The following MED25 variants were observed in gnomAD, a reference collection of about 807,000 sequenced individuals.
The protein encoded by MED25 is mediator of RNA polymerase II transcription subunit 25.
MED25 carries 62 observed loss-of-function variants against 89.4 expected under a neutral mutation model. The ratio of observed to expected loss-of-function variants is 0.69; its 90% CI spans 0.57 to 0.86. The LOEUF (loss-of-function observed/expected upper bound fraction) is 0.86. MED25 is among the 40% of genes least tolerant of loss of function. The probability of loss-of-function intolerance (pLI) is 0.00; values close to 1 mark genes in which losing one functional copy is unlikely to be tolerated. For missense variants in MED25, 905 were observed against 1,005.2 expected, an observed-to-expected ratio of 0.90 and a Z score of 1.35; for synonymous variants, 449 against 427.9, an observed-to-expected ratio of 1.05 and a Z score of -0.61.
Position 49,830,651 on chromosome 19 carries a change from C to G in MED25, c.908-43C>G. 6.2e-7 allele frequency: 1 copy of G among 1,612,684 alleles called. No homozygotes were observed. The highest frequency in any genetic ancestry group is 8.5e-7 in the Non-Finnish European group (1 of 1,178,678). ...GGGCAGGGGCCAGGCAGGCCTCTCT[C>G]CACACACTTGTTCCCCACTTCTTCC... is the stretch of plus-strand genomic sequence containing the variant. On this transcript the variant is annotated intron_variant, in intron 8 of 17. Transcript: ENST00000312865. This position sits in a 1 kb window ranked among gnomAD's most constrained non-coding sequence, Gnocchi z 4.6.
In MED25 at chr19:49,829,858, C is replaced by CT. The variant is rs2074040931; in HGVS notation, c.598_599insT (p.Pro200LeufsTer199). 7 of 1,612,750 alleles carry CT rather than the reference C, an allele frequency of 4.3e-6. No homozygotes were observed. Among genetic ancestry groups the CT allele is most frequent in the Non-Finnish European group, 5.9e-6 (7 of 1,179,696 alleles). On this transcript the variant is annotated frameshift_variant, in exon 6 of 18. Coordinates refer to ENST00000312865, the MANE Select transcript of MED25 (RefSeq NM_030973.4). LOFTEE classifies it high-confidence loss of function. The surrounding 1 kb of genome is among the most constrained non-coding windows in gnomAD (Gnocchi z 4.6). ...TCGGCTTCTGTTTGAGAAGGCAGCCCCCCCGGCCTTGCTGGAGCCGCTGCA... is the reference window on the plus strand; with the variant it reads ...TCGGCTTCTGTTTGAGAAGGCAGCCCTCCCCGGCCTTGCTGGAGCCGCTGCA...
At chr19:49,832,043 G>A in intron 11 of MED25, 22 bp downstream of exon 11, 1 of 1,613,950 alleles carries the variant, frequency 6.2e-7, no homozygotes, top group Non-Finnish European at 8.5e-7. Flanking sequence ...TCAGGGGCGG[G>A]GTGTGGTGGG....
intron 3 of MED25, among the ~76,000 whole-genome samples, chr19:49,824,341 C>T (rs1381178393): frequency 6.6e-6 from 1 of 152,190 alleles, no homozygotes; most frequent in Non-Finnish European, 1.5e-5. Flanking sequence ...CTGCCATTTG[C>T]TTCCAGCTGG....
chr19:49,830,625 C>G lies in MED25; in HGVS notation c.907+27C>G, dbSNP rs748403553. The G allele has an allele frequency of 1.5e-5, 24 of 1,613,006 alleles. No individual in the cohort carries two copies. Among genetic ancestry groups the G allele is most frequent in the South Asian group, 1.3e-4 (12 of 91,074 alleles). On this transcript the variant is annotated intron_variant, in intron 8 of 17. Transcript: ENST00000312865. The surrounding 1 kb of genome is among the most constrained non-coding windows in gnomAD (Gnocchi z 4.6). ...TGAGTCCTGGAGTGAGGATGAAGGG[C>G]GGGCAGGGGCCAGGCAGGCCTCTCT...
In MED25 at chr19:49,831,829, A is replaced by C. The variant is rs1344390180; in HGVS notation, c.1231-107A>C. 6.6e-6 allele frequency: 7 copies of C among 1,065,278 alleles called. No individual in the cohort carries two copies. Among genetic ancestry groups the C allele is most frequent in the South Asian group, 1.3e-5 (1 of 77,264 alleles). The allele number at this position is 1,065,278 out of a possible 1,614,324, so 66.0% of individuals were successfully genotyped here. ...AGGGGCCTGGGGCTCATGGGACTTA[A>C]ACTGGGGAACATCCTGAGCTTTGGG... On this transcript the variant is annotated intron_variant, in intron 10 of 17. Coordinates refer to ENST00000312865, the MANE Select transcript of MED25 (RefSeq NM_030973.4). This position sits in a 1 kb window ranked among gnomAD's most constrained non-coding sequence, Gnocchi z 5.0.
In MED25 at chr19:49,818,617, G is replaced by T; in HGVS notation, c.180+1G>T. ...TGCTGAGACGGACTTCGGGGGAGACGTGAGTCTAGGGACTCCTGGGCCTGA... is the reference window on the plus strand; with the variant it reads ...TGCTGAGACGGACTTCGGGGGAGACTTGAGTCTAGGGACTCCTGGGCCTGA... On this transcript the variant is annotated splice_donor_variant, in intron 2 of 17. Coordinates refer to ENST00000312865, the MANE Select transcript of MED25 (RefSeq NM_030973.4). LOFTEE classifies it high-confidence loss of function. The T allele has an allele frequency of 6.2e-7, 1 of 1,613,752 alleles. No homozygotes were observed. Among genetic ancestry groups the T allele is most frequent in the Non-Finnish European group, 8.5e-7 (1 of 1,179,760 alleles).
intron 3 of MED25, among the ~76,000 whole-genome samples, chr19:49,823,119 C>T (rs755008608): frequency 6.6e-6 from 1 of 152,106 alleles, no homozygotes; most frequent in African/African-American, 2.4e-5. Context: ...TGGCTGATTT[C>T]TTTATTTTAA....
chr19:49,825,131 T>C (rs1446400460), intron 3 of MED25, among the ~76,000 whole-genome samples: 2 of 152,246 alleles, frequency 1.3e-5, no homozygotes, highest in Non-Finnish European at 2.9e-5. Context: ...AAATGTTTAT[T>C]ACATGTCGCC....
In MED25 at chr19:49,830,489, C is replaced by T; in HGVS notation, c.820-22C>T. 2 of 1,612,344 alleles carry T rather than the reference C, an allele frequency of 1.2e-6. No individual in the cohort carries two copies. Among genetic ancestry groups the T allele is most frequent in the Non-Finnish European group, 1.7e-6 (2 of 1,178,520 alleles). On this transcript the variant is annotated intron_variant, in intron 7 of 17. Transcript: ENST00000312865. The surrounding 1 kb of genome is among the most constrained non-coding windows in gnomAD (Gnocchi z 4.6). ...GGCCATGGTCCTCACCAGTCCCTTC[C>T]CTTCTTCCCTTCTACCCACAGGTTC... is the stretch of plus-strand genomic sequence containing the variant.
At position 49,835,895 on chromosome 19, in the gene MED25, A is replaced by G. The variant is rs776959726; in HGVS notation, c.1915A>G (p.Asn639Asp). Residue 639 changes from asparagine to aspartate, a missense_variant, in exon 16 of 18, where the codon AAC becomes GAC. Asn to Asp is a conservative substitution (Grantham distance 23). Transcript: ENST00000312865. This position sits in a 1 kb window ranked among gnomAD's most constrained non-coding sequence, Gnocchi z 6.2. ...TCCTGGACCCATCCTTCGGCCCCAG[A>G]ACCCTGGGGCCAACCCTCAGCTGCG... is the stretch of plus-strand genomic sequence containing the variant. Reference protein sequence around the residue: ...PPPGPILRPQNPGANPQLRSL... With the variant: ...PPPGPILRPQDPGANPQLRSL... 10 of 1,612,646 alleles carry G rather than the reference A, an allele frequency of 6.2e-6. No individual in the cohort carries two copies. The highest frequency in any genetic ancestry group is 7.6e-6 in the Non-Finnish European group (9 of 1,179,770).
rs898673199 is a variant in MED25 at position 49,835,980 on chromosome 19, A to G, written c.1965+35A>G. Reference sequence around the variant, plus strand: ...TGGGGTGGGGTAGCGAGAGTTCCAGATCCTGGCCCTGGTGGTTCTGGTCCT... The same window carrying G: ...TGGGGTGGGGTAGCGAGAGTTCCAGGTCCTGGCCCTGGTGGTTCTGGTCCT... On this transcript the variant is annotated intron_variant, in intron 16 of 17. Coordinates refer to ENST00000312865, the MANE Select transcript of MED25 (RefSeq NM_030973.4). This position sits in a 1 kb window ranked among gnomAD's most constrained non-coding sequence, Gnocchi z 6.2. 6.2e-7 allele frequency: 1 copy of G among 1,610,326 alleles called. No homozygotes were observed. The highest frequency in any genetic ancestry group is 8.5e-7 in the Non-Finnish European group (1 of 1,179,104).
chr19:49,829,777 C>T lies in MED25; in HGVS notation c.526-9C>T, dbSNP rs1372872691. 6.3e-7 allele frequency: 1 copy of T among 1,581,584 alleles called. No homozygotes were observed. The highest frequency in any genetic ancestry group is 8.6e-7 in the Non-Finnish European group (1 of 1,164,060). ...GGCCCGTCATGACTGCTCGGCCCCT[C>T]TCCTACAGCGGGGGATCCACTTCTC... is the stretch of plus-strand genomic sequence containing the variant. On this transcript the variant is annotated splice_polypyrimidine_tract_variant and intron_variant, in intron 5 of 17. Coordinates refer to ENST00000312865, the MANE Select transcript of MED25 (RefSeq NM_030973.4). This position sits in a 1 kb window ranked among gnomAD's most constrained non-coding sequence, Gnocchi z 4.6.
chr19:49,832,734 G>A, intron 13 of MED25: 1 of 412,478 alleles, frequency 2.4e-6, no homozygotes, highest in South Asian at 2.2e-5. Context: ...ATTACCACAA[G>A]CAGAGGGGCT....
chr19:49,822,669 A>G (rs2073991407), intron 3 of MED25, among the ~76,000 whole-genome samples: 2 of 109,902 alleles, frequency 1.8e-5, no homozygotes, highest in East Asian at 2.8e-4. Context: ...TTTTTTTGAG[A>G]CAGAGTCTCG....
At position 49,834,762 on chromosome 19, in the gene MED25, C is replaced by T; in HGVS notation, c.1483-224C>T. The T allele has an allele frequency of 1.7e-6, 1 of 587,846 alleles. No individual in the cohort carries two copies. The highest frequency in any genetic ancestry group is 2.8e-5 in the East Asian group (1 of 35,264). 36.4% of individuals were successfully genotyped at this position (587,846 alleles called of 1,614,324 possible). A position where few individuals can be genotyped will look rare whatever the true frequency, so the allele number is the denominator to read the frequency against. On this transcript the variant is annotated intron_variant, in intron 13 of 17. Coordinates refer to ENST00000312865, the MANE Select transcript of MED25 (RefSeq NM_030973.4). The surrounding 1 kb of genome is among the most constrained non-coding windows in gnomAD (Gnocchi z 4.1). ...GAAGAGCTGGGCTCCAGCACTTTCT[C>T]TCCGCTTTCCCTCTCAGTGGGCAGC...
rs1600326123 is a variant in MED25, at chr19:49,830,973, A to G, written c.1101+86A>G. On this transcript the variant is annotated intron_variant, in intron 9 of 17. Transcript: ENST00000312865. This position sits in a 1 kb window ranked among gnomAD's most constrained non-coding sequence, Gnocchi z 4.6. ...TTAGAGGATGAGTCATTTGCCTTCC[A>G]GGGGGATGTGGCTCTCGTGGTTCTG... The G allele has an allele frequency of 7.0e-7, 1 of 1,426,200 alleles. No individual in the cohort carries two copies. The highest frequency in any genetic ancestry group is 1.4e-5 in the African/African-American group (1 of 71,646). 88.3% of individuals were successfully genotyped at this position (1,426,200 alleles called of 1,614,324 possible).
chr19:49,821,477 T>G (rs888405258), intron 3 of MED25, among the ~76,000 whole-genome samples: 1 of 152,220 alleles, frequency 6.6e-6, no homozygotes, highest in African/African-American at 2.4e-5. Flanking sequence ...CTTAAAAATA[T>G]TTTTGTAGGT....
At position 49,828,454 on chromosome 19, in the gene MED25, TG is replaced by T. The variant is rs1221254317; in HGVS notation, c.314del (p.Gly105AlafsTer109). The part of the protein sequence containing the change: ...FVTWLDGIKF[M>X]GGGGESCSLI... ...TGACCGCTCTGCCCCTGCAGGTTCA[TG>T]GGCGGGGGTGGTGAGAGCTGCAGCC... On this transcript the variant is annotated frameshift_variant, in exon 4 of 18. Coordinates refer to ENST00000312865, the MANE Select transcript of MED25 (RefSeq NM_030973.4). LOFTEE classifies it high-confidence loss of function. The T allele has an allele frequency of 6.2e-7, 1 of 1,612,294 alleles. No individual in the cohort carries two copies. Among genetic ancestry groups the T allele is most frequent in the East Asian group, 2.2e-5 (1 of 44,874 alleles).
Position 49,831,883 on chromosome 19 carries a change from G to A in MED25, c.1231-53G>A. On this transcript the variant is annotated intron_variant, in intron 10 of 17. Transcript: ENST00000312865. The surrounding 1 kb of genome is among the most constrained non-coding windows in gnomAD (Gnocchi z 5.0). The stretch of plus-strand genomic sequence containing the variant: ...ACCAGGGTAGGACATGAGGGCTCAA[G>A]GGGACTGAGGCTTATGGCCCTTTTT... The A allele has an allele frequency of 6.5e-7, 1 of 1,529,702 alleles. No individual in the cohort carries two copies. The highest frequency in any genetic ancestry group is 9.1e-7 in the Non-Finnish European group (1 of 1,103,396). 94.8% of individuals were successfully genotyped at this position (1,529,702 alleles called of 1,614,324 possible). A position where few individuals can be genotyped will look rare whatever the true frequency, so the allele number is the denominator to read the frequency against.
Sources: allele counts gnomAD v4.1 joint callset (sites outside exome capture counted in the v4.1 genomes callset), GRCh38; gene constraint gnomAD v4.1.1; non-coding constraint Gnocchi (gnomAD v3.1); transcripts MANE v1.5; gene names NCBI Gene and HGNC (gene_info 2026-07-23, HGNC 2026-07-21).